The following RANBP2 variants were observed in gnomAD, a reference collection of about 807,000 sequenced individuals.
RANBP2 encodes RAN binding protein 2.
A neutral mutation model predicts 303.6 loss-of-function variants in RANBP2; 57 were observed. The observed-to-expected ratio is 0.19, with a 90% CI of 0.15 to 0.23. The LOEUF (loss-of-function observed/expected upper bound fraction) is 0.23, where lower values mean the gene tolerates loss of function less well. Ranked by LOEUF, RANBP2 falls within the 10% of genes least tolerant of loss-of-function variation. The probability of loss-of-function intolerance (pLI) is 1.00; values close to 1 mark genes in which losing one functional copy is unlikely to be tolerated. For missense variants in RANBP2, 3,138 were observed against 3,780.8 expected, an observed-to-expected ratio of 0.83 and a Z score of 4.46; for synonymous variants, 1,167 against 1,301.5, an observed-to-expected ratio of 0.90 and a Z score of 2.23.
chr2:109,617,213 GACAATTA>G, the RANBP2 span: 1 of 166,566 alleles, frequency 6.0e-6, no homozygotes, highest in Non-Finnish European at 1.5e-5. Flanking sequence ...AGCTTTTCTT[GACAATTA>G]GATACCTATC....
the RANBP2 span, chr2:108,876,303 T>C: frequency 2.5e-4 from 253 of 1,022,022 alleles, no homozygotes; most frequent in Non-Finnish European, 2.5e-4. Flanking sequence ...TATAAACATG[T>C]AGAAATTACC....
the RANBP2 span, among the ~76,000 whole-genome samples, chr2:109,194,555 C>A: frequency 1.1e-4 from 17 of 152,252 alleles, no homozygotes; most frequent in African/African-American, 4.1e-4. Context: ...GCGAGGAGCA[C>A]CCCCACTTTC....
chr2:108,918,470 C>T, the RANBP2 span, among the ~76,000 whole-genome samples: 1 of 152,194 alleles, frequency 6.6e-6, no homozygotes, highest in East Asian at 1.9e-4. Flanking sequence ...TGTACACTTC[C>T]GTGTGCACCT....
chr2:108,742,467 C>T (rs1325354048), intron 7 of RANBP2, among the ~76,000 whole-genome samples: 1 of 151,900 alleles, frequency 6.6e-6, no homozygotes, highest in African/African-American at 2.4e-5. Flanking sequence ...CCATGCCTGG[C>T]TAATTTTTTG....
the RANBP2 span, among the ~76,000 whole-genome samples, chr2:109,430,308 A>G: frequency 6.6e-6 from 1 of 152,172 alleles, no homozygotes; most frequent in African/African-American, 2.4e-5. Flanking sequence ...ACTCAATTGT[A>G]TTTCTCTGAG....
At chr2:108,845,167 G>A in the RANBP2 span, among the ~76,000 whole-genome samples, 2 of 152,086 alleles carry the variant, frequency 1.3e-5, no homozygotes, top group African/African-American at 4.8e-5. Context: ...ATTGTAAGTA[G>A]AGTTTTGAAC....
the RANBP2 span, among the ~76,000 whole-genome samples, chr2:109,437,748 A>G: frequency 6.6e-6 from 1 of 151,772 alleles, no homozygotes; most frequent in Non-Finnish European, 1.5e-5. Flanking sequence ...TGGCCCCAGG[A>G]TGTTGTGAGA....
chr2:108,877,415 A>C, the RANBP2 span, among the ~76,000 whole-genome samples: 1 of 152,144 alleles, frequency 6.6e-6, no homozygotes, highest in African/African-American at 2.4e-5. Context: ...CCAGTGAGCC[A>C]AGATCACGCC....
At chr2:109,627,154 C>T in the RANBP2 span, among the ~76,000 whole-genome samples, 2 of 152,152 alleles carry the variant, frequency 1.3e-5, no homozygotes, top group South Asian at 2.1e-4. Flanking sequence ...CTGGGCAATA[C>T]AGCAAGACTT....
chr2:109,389,907 G>A, the RANBP2 span, among the ~76,000 whole-genome samples: 8 of 152,208 alleles, frequency 5.3e-5, no homozygotes, highest in Non-Finnish European at 1.2e-4. Flanking sequence ...TGGGTGGAGC[G>A]GCCATCTGCC....
chr2:108,721,415 C>T (rs1178856219), intron 1 of RANBP2, among the ~76,000 whole-genome samples: 2 of 152,104 alleles, frequency 1.3e-5, no homozygotes, highest in African/African-American at 2.4e-5. Flanking sequence ...GTTCCTGTAA[C>T]TCCTGAAATT....
At chr2:109,545,866 T>A in the RANBP2 span, 1 of 1,450,680 alleles carries the variant, frequency 6.9e-7, no homozygotes, top group Non-Finnish European at 9.1e-7. Flanking sequence ...CAGGTGCTGT[T>A]CTGGATGCTG....
chr2:108,897,332 T>G, the RANBP2 span: 2 of 1,170,096 alleles, frequency 1.7e-6, no homozygotes, highest in South Asian at 2.9e-5. Flanking sequence ...TGAAAAAAAT[T>G]TTTTTAAAAT....
At chr2:109,186,557 C>T in the RANBP2 span, among the ~76,000 whole-genome samples, 4 of 152,200 alleles carry the variant, frequency 2.6e-5, no homozygotes, top group South Asian at 8.3e-4. Flanking sequence ...TTGACATTTC[C>T]AGCAACCAGT....
chr2:109,531,060 G>A, the RANBP2 span, among the ~76,000 whole-genome samples: 1 of 152,182 alleles, frequency 6.6e-6, no homozygotes, highest in Admixed American at 6.5e-5. Context: ...CCCAGGCCTT[G>A]TGGGACCCCA....
chr2:109,286,260 C>T, the RANBP2 span, among the ~76,000 whole-genome samples: 2 of 152,218 alleles, frequency 1.3e-5, no homozygotes, highest in African/African-American at 4.8e-5. Context: ...GCTCTGCCAT[C>T]AGCAGATTTC....
At chr2:109,545,327 T>C in the RANBP2 span, 14 of 1,486,106 alleles carry the variant, frequency 9.4e-6, no homozygotes, top group East Asian at 2.5e-5. Flanking sequence ...AAGGAAATTA[T>C]CAAAAAGGAA....
chr2:109,189,419 A>G, the RANBP2 span, among the ~76,000 whole-genome samples: 1 of 147,374 alleles, frequency 6.8e-6, no homozygotes, highest in African/African-American at 2.5e-5. Context: ...CCCAGGCTGG[A>G]GTGCAATAGC....
chr2:109,697,288 G>A, the RANBP2 span, among the ~76,000 whole-genome samples: 1 of 152,108 alleles, frequency 6.6e-6, no homozygotes, highest in Non-Finnish European at 1.5e-5. Flanking sequence ...TTGGGAGTTC[G>A]AGACCAGCCT....
Sources: allele counts gnomAD v4.1 joint callset (sites outside exome capture counted in the v4.1 genomes callset), GRCh38; gene constraint gnomAD v4.1.1; transcripts MANE v1.5; gene names NCBI Gene and HGNC (gene_info 2026-07-23, HGNC 2026-07-21).